Variants in NUS1 observed in about 807,000 individuals in gnomAD.
The protein encoded by NUS1 is NUS1 dehydrodolichyl diphosphate synthase subunit, also known as dehydrodolichyl diphosphate synthase complex subunit NUS1.
For missense variants in NUS1, 292 were observed against 382.9 expected (o/e 0.76, Z 1.98); for synonymous variants, 135 against 155.2 (o/e 0.87, Z 0.97).
At chr6:117,678,782 G>C (rs1773020875) in intron 1 of NUS1, among the ~76,000 whole-genome samples, 1 of 143,752 alleles carries the variant, frequency 7.0e-6, no homozygotes, top group Non-Finnish European at 1.5e-5. Context: ...CCAGATTCAA[G>C]TTCTCCTGTC....
At chr6:117,702,259 T>C (rs1773421999) in intron 3 of NUS1, among the ~76,000 whole-genome samples, 1 of 152,208 alleles carries the variant, frequency 6.6e-6, no homozygotes, top group Admixed American at 6.5e-5. Flanking sequence ...AAACCATGGA[T>C]TTTCATTGTT....
chr6:117,686,297 A>G (rs1190355899), intron 1 of NUS1, among the ~76,000 whole-genome samples: 1 of 151,994 alleles, frequency 6.6e-6, no homozygotes, highest in Non-Finnish European at 1.5e-5. Flanking sequence ...TTCGAAAAAT[A>G]CTACTCATTT....
chr6:117,686,854 G>A (rs1470371936), intron 1 of NUS1, among the ~76,000 whole-genome samples: 5 of 4,416 alleles, frequency 1.1e-3, no homozygotes, highest in African/African-American at 3.2e-3. Context: ...AAGTGTGTAT[G>A]TGTGTGTGTG....
chr6:117,677,994 T>A (rs1433851001), intron 1 of NUS1, among the ~76,000 whole-genome samples: 4 of 152,260 alleles, frequency 2.6e-5, no homozygotes, highest in African/African-American at 9.6e-5. Context: ...CTAAATTGTT[T>A]GACTTGATGA....
chr6:117,694,185 G>GT lies in NUS1; in HGVS notation c.691+12dup, dbSNP rs1241006666. ...ATACGTTAGCCAGTTTACTTAGTAA[G>GT]TTTTTTTATATATATATACATATAT... is the stretch of plus-strand genomic sequence containing the variant. On this transcript the variant is annotated splice_donor_region_variant and intron_variant, in intron 3 of 4. Transcript: ENST00000368494. The GT allele has an allele frequency of 8.4e-6, 13 of 1,543,374 alleles. No homozygotes were observed. Among genetic ancestry groups the GT allele is most frequent in the Non-Finnish European group, 1.1e-5 (12 of 1,133,734 alleles).
chr6:117,687,982 G>A (rs1408259778), intron 1 of NUS1, among the ~76,000 whole-genome samples: 1 of 152,106 alleles, frequency 6.6e-6, no homozygotes, highest in Admixed American at 6.5e-5. Context: ...TTTGAGGCCC[G>A]AGGAGGAAGG....
At chr6:117,684,574 G>C (rs1389266825) in intron 1 of NUS1, among the ~76,000 whole-genome samples, 2 of 152,088 alleles carry the variant, frequency 1.3e-5, no homozygotes, top group Non-Finnish European at 2.9e-5. Flanking sequence ...CATTTGGACT[G>C]AATAAAACCC....
In NUS1 at chr6:117,710,352, A is replaced by G. The variant is rs1035373253; in HGVS notation, c.*3337A>G. 6.6e-6 allele frequency: 1 copy of G among 152,144 alleles called. No individual in the cohort carries two copies. Among genetic ancestry groups the G allele is most frequent in the Non-Finnish European group, 1.5e-5 (1 of 67,988 alleles). The allele number at this position is 152,144 out of a possible 1,614,324, so 9.4% of individuals were successfully genotyped here. On this transcript the variant is annotated 3_prime_UTR_variant, in exon 5 of 5. Transcript: ENST00000368494. ...TACTATAAAGTTCAGGACAGTTTGAAATAAAACCCAGGAAACAAGATTAAT... is the reference window on the plus strand; with the variant it reads ...TACTATAAAGTTCAGGACAGTTTGAGATAAAACCCAGGAAACAAGATTAAT...
At chr6:117,691,550 TAG>T (rs1773217925) in intron 1 of NUS1, among the ~76,000 whole-genome samples, 1 of 40,658 alleles carries the variant, frequency 2.5e-5, no homozygotes, top group African/African-American at 6.6e-5. Context: ...TTCTGTGCCA[TAG>T]ATATAGATAT....
At chr6:117,693,727 T>A (rs1156436769) in intron 2 of NUS1, among the ~76,000 whole-genome samples, 1 of 152,244 alleles carries the variant, frequency 6.6e-6, no homozygotes, top group Non-Finnish European at 1.5e-5. Context: ...CGTGAAAATT[T>A]GTTAGCTAGC....
rs1773524082 is a variant in NUS1, at chr6:117,707,940, C to G, written c.*925C>G. On this transcript the variant is annotated 3_prime_UTR_variant, in exon 5 of 5. Coordinates refer to ENST00000368494, the MANE Select transcript of NUS1 (RefSeq NM_138459.5). ...CTTTTTTGTTTGATGGGCAGTATGC[C>G]ATATTATACCCAAAGTTCTTTTAAA... 1 of 152,096 alleles carries G rather than the reference C, an allele frequency of 6.6e-6. No individual in the cohort carries two copies. The highest frequency in any genetic ancestry group is 2.4e-5 in the African/African-American group (1 of 41,398). The allele number at this position is 152,096 out of a possible 1,614,324, so 9.4% of individuals were successfully genotyped here.
rs1773535286 is a variant in NUS1 at position 117,708,738 on chromosome 6, T to G, written c.*1723T>G. 6.6e-6 allele frequency: 1 copy of G among 152,462 alleles called. No individual in the cohort carries two copies. The highest frequency in any genetic ancestry group is 1.5e-5 in the Non-Finnish European group (1 of 67,948). 9.4% of individuals were successfully genotyped at this position (152,462 alleles called of 1,614,324 possible). ...CTGATTCCTTATACTGTGATTATAT[T>G]ATATTGAGGCATTTGTAGTGCAGCT... is the stretch of plus-strand genomic sequence containing the variant. On this transcript the variant is annotated 3_prime_UTR_variant, in exon 5 of 5. Transcript: ENST00000368494.
chr6:117,694,463 T>C lies in NUS1; in HGVS notation c.691+283T>C, dbSNP rs115511804. 2.6e-3 allele frequency among the ~76,000 whole-genome samples: 392 copies of C among 152,112 alleles called. 5 individuals are homozygous for C. Among genetic ancestry groups the C allele is most frequent in the African/African-American group, 9.1e-3 (379 of 41,510 alleles). ...TTGTAGTGATGAATATTCTTGAAAA[T>C]AGGACTTCTGCTTGTTAGCCTTCCT... On this transcript the variant is annotated intron_variant, in intron 3 of 4. Coordinates refer to ENST00000368494, the MANE Select transcript of NUS1 (RefSeq NM_138459.5).
chr6:117,703,925 TAGG>T (rs1773464398), intron 4 of NUS1, among the ~76,000 whole-genome samples: 1 of 152,132 alleles, frequency 6.6e-6, no homozygotes, highest in Non-Finnish European at 1.5e-5. Flanking sequence ...CTGATTACCT[TAGG>T]AGATCAGGAG....
At chr6:117,702,189 G>C (rs1773421060) in intron 3 of NUS1, among the ~76,000 whole-genome samples, 1 of 152,176 alleles carries the variant, frequency 6.6e-6, no homozygotes, top group South Asian at 2.1e-4. Flanking sequence ...ACAACCTCAG[G>C]CAAGTAAAGC....
intron 1 of NUS1, among the ~76,000 whole-genome samples, chr6:117,692,591 AT>A (rs1368609988): frequency 6.6e-6 from 1 of 152,104 alleles, no homozygotes; most frequent in Non-Finnish European, 1.5e-5. Context: ...TAAAAAACTA[AT>A]CAAATTGAGG....
At chr6:117,679,795 A>T (rs1773034469) in intron 1 of NUS1, among the ~76,000 whole-genome samples, 1 of 152,220 alleles carries the variant, frequency 6.6e-6, no homozygotes, top group Non-Finnish European at 1.5e-5. Context: ...GAAATCATGC[A>T]GTGTTATTTT....
At chr6:117,693,012 G>T in intron 1 of NUS1, 30 bp from the exon 2 acceptor site, 2 of 1,572,404 alleles carry the variant, frequency 1.3e-6, no homozygotes, top group Non-Finnish European at 1.7e-6. Context: ...TAACCTAGTT[G>T]TGTTTTACTT....
intron 3 of NUS1, among the ~76,000 whole-genome samples, chr6:117,695,212 A>G (rs550981733): frequency 2.0e-5 from 3 of 151,516 alleles, no homozygotes; most frequent in South Asian, 4.2e-4. Context: ...AAAAAAAAAA[A>G]AAAAAAAAAG....
Sources: gnomAD v4.1 joint callset for allele counts (sites outside exome capture counted in the v4.1 genomes callset) on GRCh38, gnomAD v4.1.1 for gene constraint, MANE v1.5 for transcripts, NCBI Gene and HGNC (gene_info 2026-07-23, HGNC 2026-07-21) for gene names.